Variants in ARID5B observed in about 807,000 individuals in gnomAD.
The protein encoded by ARID5B is AT-rich interaction domain 5B, also known as AT-rich interactive domain-containing protein 5B.
In ARID5B, 13 loss-of-function variants were observed where a neutral mutation model predicts 97.2. The observed-to-expected ratio is 0.13, with a 90% CI of 0.09 to 0.21. The LOEUF (loss-of-function observed/expected upper bound fraction) is 0.21. Ranked by LOEUF, ARID5B falls within the 10% of genes least tolerant of loss-of-function variation. The pLI is 1.00. For synonymous variants in ARID5B, 556 were observed against 570.3 expected (o/e 0.97, Z 0.36); for missense variants, 1,210 against 1,465.3 (o/e 0.83, Z 2.84).
chr10:61,926,998 AC>A (rs1002342721), intron 2 of ARID5B, among the ~76,000 whole-genome samples: 7 of 152,122 alleles, frequency 4.6e-5, no homozygotes, highest in African/African-American at 1.4e-4. Flanking sequence ...AACCACAATG[AC>A]TTTTACAGCA....
intron 8 of ARID5B, among the ~76,000 whole-genome samples, chr10:62,084,738 A>C (rs1840258911): frequency 6.6e-6 from 1 of 152,252 alleles, no homozygotes; most frequent in Admixed American, 6.5e-5. Flanking sequence ...GGGAAAACAG[A>C]TTAAAACTAG....
chr10:61,920,163 C>A (rs936940709), intron 2 of ARID5B, among the ~76,000 whole-genome samples: 9 of 151,696 alleles, frequency 5.9e-5, no homozygotes, highest in African/African-American at 2.2e-4. Context: ...TTTGTGTGTC[C>A]TTTTTTCTCT....
intron 2 of ARID5B, among the ~76,000 whole-genome samples, chr10:61,920,709 T>C (rs1182335594): frequency 6.6e-6 from 1 of 152,168 alleles, no homozygotes; most frequent in African/African-American, 2.4e-5. Context: ...AAATATAACA[T>C]TTATATTTTT....
At chr10:61,911,491 C>T (rs1843803172) in intron 2 of ARID5B, among the ~76,000 whole-genome samples, 1 of 152,122 alleles carries the variant, frequency 6.6e-6, no homozygotes, top group South Asian at 2.1e-4. Flanking sequence ...GTAACATTTG[C>T]ATTAGTTGCT....
At chr10:62,046,358 C>T (rs1839708364) in intron 4 of ARID5B, among the ~76,000 whole-genome samples, 1 of 152,202 alleles carries the variant, frequency 6.6e-6, no homozygotes, top group African/African-American at 2.4e-5. Context: ...CCCACACCTG[C>T]ACTGCCCTGC....
chr10:61,971,429 T>C (rs1166612961), intron 3 of ARID5B, among the ~76,000 whole-genome samples: 1 of 152,274 alleles, frequency 6.6e-6, no homozygotes. Flanking sequence ...TAGCTGTCTT[T>C]GTTCCTTGAC....
intron 4 of ARID5B, among the ~76,000 whole-genome samples, chr10:62,042,902 G>A (rs1381857131): frequency 3.8e-4 from 48 of 126,306 alleles, no homozygotes; most frequent in Non-Finnish European, 2.7e-4. Context: ...GTGAAAGAGC[G>A]AGAGTCTGTC....
chr10:62,006,345 G>A (rs769035620), intron 4 of ARID5B, among the ~76,000 whole-genome samples: 1 of 152,154 alleles, frequency 6.6e-6, no homozygotes, highest in African/African-American at 2.4e-5. Flanking sequence ...GGGAGGCTGA[G>A]GCAGGAGAAT....
chr10:62,053,491 C>T (rs985407368), intron 5 of ARID5B, among the ~76,000 whole-genome samples: 2 of 152,312 alleles, frequency 1.3e-5, no homozygotes, highest in South Asian at 4.1e-4. Context: ...GCAAGTGTCA[C>T]GTGGGGAGGA....
chr10:61,948,148 TTACCTC>T (rs1157146465), intron 3 of ARID5B, among the ~76,000 whole-genome samples: 1 of 152,194 alleles, frequency 6.6e-6, no homozygotes, highest in African/African-American at 2.4e-5. Context: ...CTACCAGTAT[TTACCTC>T]TAGGATACAA....
intron 3 of ARID5B, 106 bp from the exon 4 acceptor site, chr10:61,999,985 G>A (rs1839054471): frequency 9.0e-7 from 1 of 1,106,998 alleles, no homozygotes. Context: ...AAGGATGAGA[G>A]TCTTTTTAGT....
intron 3 of ARID5B, among the ~76,000 whole-genome samples, chr10:61,989,766 ACAG>A (rs2132854915): frequency 6.6e-6 from 1 of 152,344 alleles, no homozygotes; most frequent in South Asian, 2.1e-4. Context: ...GCATCATAAC[ACAG>A]GCCAAAGTAC....
chr10:62,004,315 A>C (rs759960741), intron 4 of ARID5B, among the ~76,000 whole-genome samples: 1 of 152,214 alleles, frequency 6.6e-6, no homozygotes, highest in South Asian at 2.1e-4. Flanking sequence ...TTCTGCTTGC[A>C]TTCTTCCATC....
intron 3 of ARID5B, among the ~76,000 whole-genome samples, chr10:61,976,655 C>CT (rs1301519384): frequency 3.9e-5 from 6 of 152,182 alleles, no homozygotes; most frequent in Admixed American, 2.0e-4. Context: ...CGCTGAAACT[C>CT]TGCCAGCGGG....
intron 4 of ARID5B, chr10:62,049,587 G>T (rs2132929462): frequency 6.9e-7 from 1 of 1,457,476 alleles, no homozygotes; most frequent in Non-Finnish European, 9.4e-7. Flanking sequence ...AGCGTTTAGG[G>T]GAATGAGAGG....
intron 4 of ARID5B, among the ~76,000 whole-genome samples, chr10:62,005,735 A>G (rs1839137229): frequency 6.6e-6 from 1 of 152,188 alleles, no homozygotes; most frequent in Non-Finnish European, 1.5e-5. Flanking sequence ...GGACGTATAA[A>G]ATTAATTTGA....
intron 3 of ARID5B, among the ~76,000 whole-genome samples, chr10:61,998,761 A>G (rs1205887366): frequency 6.6e-6 from 1 of 152,174 alleles, no homozygotes; most frequent in African/African-American, 2.4e-5. Context: ...GGATTTGAGG[A>G]ACGTTAAAAG....
intron 3 of ARID5B, among the ~76,000 whole-genome samples, chr10:61,991,276 T>A (rs564384725): frequency 6.6e-6 from 1 of 152,302 alleles, no homozygotes; most frequent in Non-Finnish European, 1.5e-5. Context: ...TCCCATACTT[T>A]TTCATCATGG....
At position 62,085,845 on chromosome 10, in the gene ARID5B, T is replaced by C. The variant is rs1409997584; in HGVS notation, c.1343T>C (p.Ile448Thr). ...GGAACCAAACGCATCAAACATGAAA[T>C]ACCTAAAAGCAAGAAAGAAAAAGAA... is the stretch of plus-strand genomic sequence containing the variant. ...VSGTKRIKHE[I>T]PKSKKEKENA... Residue 448 changes from isoleucine (I) to threonine (T), a missense_variant, in exon 9 of 10, where the codon ATA (isoleucine) becomes ACA (threonine). Transcript: ENST00000279873. The C allele has an allele frequency of 5.0e-6, 8 of 1,613,666 alleles. No homozygotes were observed. In the African/African-American group the frequency reaches 8.0e-5, roughly 16 times the overall value.
Sources: allele counts gnomAD v4.1 joint callset (sites outside exome capture counted in the v4.1 genomes callset), GRCh38; gene constraint gnomAD v4.1.1; transcripts MANE v1.5; gene names NCBI Gene and HGNC (gene_info 2026-07-23, HGNC 2026-07-21).